SLC39A11: variants seen among roughly 807,000 people sequenced by gnomAD.
SLC39A11 encodes zinc transporter ZIP11.
A neutral mutation model predicts 36.1 loss-of-function variants in SLC39A11; 33 were observed. That is an observed-to-expected ratio of 0.91 (90% CI 0.69 to 1.22). The LOEUF is 1.22. Ranked by LOEUF, SLC39A11 falls within the 50% of genes most tolerant of loss-of-function variation. The probability of loss-of-function intolerance (pLI) is 0.00; values close to 1 mark genes in which losing one functional copy is unlikely to be tolerated. For synonymous variants in SLC39A11, 166 were observed against 170.3 expected (o/e 0.97, Z 0.20); for missense variants, 432 against 430.3 (o/e 1.00, Z -0.03).
chr17:72,906,139 C>T (rs1235253163), intron 5 of SLC39A11, among the ~76,000 whole-genome samples: 14 of 152,336 alleles, frequency 9.2e-5, no homozygotes, highest in African/African-American at 3.4e-4. Context: ...TCTGGTTAGA[C>T]AACACCTCAA....
chr17:72,869,160 C>T (rs1030960687), intron 5 of SLC39A11, among the ~76,000 whole-genome samples: 2 of 152,166 alleles, frequency 1.3e-5, no homozygotes, highest in Non-Finnish European at 2.9e-5. Flanking sequence ...CCCAAATAAA[C>T]GAGCCCCCCA....
At chr17:72,707,237 C>CA (rs1303757068) in intron 7 of SLC39A11, among the ~76,000 whole-genome samples, 8 of 151,968 alleles carry the variant, frequency 5.3e-5, no homozygotes, top group East Asian at 1.9e-4. Flanking sequence ...CCCATTGCTA[C>CA]AAAAAATGTT....
chr17:72,799,387 C>T (rs1049855777), intron 6 of SLC39A11, among the ~76,000 whole-genome samples: 33 of 152,150 alleles, frequency 2.2e-4, no homozygotes, highest in African/African-American at 7.5e-4. Context: ...AGAATAACAG[C>T]GATTTTTAGG....
At chr17:72,900,403 AGGATGCAGGATTATG>A (rs2082332270) in intron 5 of SLC39A11, among the ~76,000 whole-genome samples, 2 of 41,602 alleles carry the variant, frequency 4.8e-5, no homozygotes, top group African/African-American at 4.8e-4. Context: ...CAGGATTATG[AGGATGCAGGATTATG>A]AGGATGTATG....
At chr17:73,086,475 A>T (rs1022826010) in intron 2 of SLC39A11, among the ~76,000 whole-genome samples, 1 of 152,220 alleles carries the variant, frequency 6.6e-6, no homozygotes, top group Non-Finnish European at 1.5e-5. Context: ...CTCTATGGAC[A>T]TTCTTTGAAG....
chr17:72,769,366 A>C (rs973259689), intron 6 of SLC39A11, among the ~76,000 whole-genome samples: 1 of 152,180 alleles, frequency 6.6e-6, no homozygotes, highest in African/African-American at 2.4e-5. Flanking sequence ...ACATTATTCA[A>C]CCTTAAAAAG....
chr17:72,694,212 G>A (rs1339671713), intron 7 of SLC39A11, among the ~76,000 whole-genome samples: 3 of 152,184 alleles, frequency 2.0e-5, no homozygotes, highest in Non-Finnish European at 2.9e-5. Context: ...GCTGAGCATG[G>A]GGACTCCTGA....
At chr17:73,017,899 G>A (rs2058220615) in intron 4 of SLC39A11, among the ~76,000 whole-genome samples, 1 of 152,154 alleles carries the variant, frequency 6.6e-6, no homozygotes, top group Non-Finnish European at 1.5e-5. Context: ...AAAATGCTAT[G>A]AGGCCTGGAA....
chr17:72,732,107 G>A (rs1365795825), intron 7 of SLC39A11, among the ~76,000 whole-genome samples: 9 of 129,224 alleles, frequency 7.0e-5, no homozygotes, highest in Non-Finnish European at 3.1e-5. Context: ...GGAGGGCAGT[G>A]GTGAGACCTC....
At chr17:72,848,444 G>C (rs1368527251) in intron 6 of SLC39A11, among the ~76,000 whole-genome samples, 1 of 152,200 alleles carries the variant, frequency 6.6e-6, no homozygotes, top group Non-Finnish European at 1.5e-5. Flanking sequence ...AAACAGGCCA[G>C]CGTGGTAGCT....
At chr17:73,000,325 C>G (rs759232700) in intron 4 of SLC39A11, among the ~76,000 whole-genome samples, 6 of 151,106 alleles carry the variant, frequency 4.0e-5, no homozygotes, top group Non-Finnish European at 8.8e-5. Flanking sequence ...CCTCTCCTCT[C>G]ATCTCTCTTC....
rs564218304 is a variant in SLC39A11 at position 72,958,671 on chromosome 17, C to T, written c.307-10796G>A. Among the ~76,000 whole-genome samples the T allele has an allele frequency of 5.9e-5, 9 of 152,016 alleles. No individual in the cohort carries two copies. In the East Asian group the frequency reaches 9.7e-4, roughly 16 times the overall value. The stretch of plus-strand genomic sequence containing the variant: ...TTCGAGACCAGCCTGGCCAACATGG[C>T]GAAACCCCGTCTCTACTAAAAATAC... On this transcript the variant is annotated intron_variant, in intron 4 of 9. Coordinates refer to ENST00000255559, the MANE Select transcript of SLC39A11 (RefSeq NM_139177.4).
At chr17:72,693,785 C>T (rs2072151760) in intron 7 of SLC39A11, among the ~76,000 whole-genome samples, 1 of 152,160 alleles carries the variant, frequency 6.6e-6, no homozygotes, top group South Asian at 2.1e-4. Context: ...GCCTCAGCCT[C>T]CCAAGCAGCT....
chr17:72,714,854 AGAAGGAACGTGGCCGTACTTGT>A (rs1264571721), intron 7 of SLC39A11, among the ~76,000 whole-genome samples: 1 of 152,240 alleles, frequency 6.6e-6, no homozygotes, highest in Admixed American at 6.5e-5. Flanking sequence ...GCCTGGCTGA[AGAAGGAACGTGGCCGTACTTGT>A]GAAGCTAATA....
chr17:72,784,814 A>G (rs953294599), intron 6 of SLC39A11, among the ~76,000 whole-genome samples: 8 of 151,632 alleles, frequency 5.3e-5, no homozygotes, highest in African/African-American at 1.9e-4. Context: ...TGCTTCCTGT[A>G]AAGCCTGCAG....
rs538779994 is a variant in SLC39A11 at position 73,013,223 on chromosome 17, G to A, written c.306+18333C>T. 2.9e-4 allele frequency among the ~76,000 whole-genome samples: 44 copies of A among 152,186 alleles called. 1 individual carries two copies. Among genetic ancestry groups the A allele is most frequent in the African/African-American group, 1.0e-3 (42 of 41,506 alleles). On this transcript the variant is annotated intron_variant, in intron 4 of 9. Coordinates refer to ENST00000255559, the MANE Select transcript of SLC39A11 (RefSeq NM_139177.4). Reference sequence around the variant, plus strand: ...CTGCCTCAGCCTCCCGAGTAGCTGGGACTACAGGCGTGCACCATCACACCT... The same window carrying A: ...CTGCCTCAGCCTCCCGAGTAGCTGGAACTACAGGCGTGCACCATCACACCT...
chr17:72,677,025 T>C (rs1020837218), intron 7 of SLC39A11, among the ~76,000 whole-genome samples: 4 of 152,196 alleles, frequency 2.6e-5, no homozygotes, highest in African/African-American at 4.8e-5. Context: ...CTAGAATACA[T>C]CTCAGCTGTG....
intron 3 of SLC39A11, among the ~76,000 whole-genome samples, chr17:73,077,217 T>G (rs2060352083): frequency 6.6e-6 from 1 of 152,230 alleles, no homozygotes; most frequent in South Asian, 2.1e-4. Flanking sequence ...CCCCTGGGTT[T>G]GAGTCCCAAC....
chr17:72,943,819 T>C (rs2085263264), intron 5 of SLC39A11, among the ~76,000 whole-genome samples: 1 of 152,186 alleles, frequency 6.6e-6, no homozygotes, highest in Non-Finnish European at 1.5e-5. Flanking sequence ...ATCAGACCAA[T>C]CTGGTTCAAC....
Sources: gnomAD v4.1 joint callset for allele counts (sites outside exome capture counted in the v4.1 genomes callset) on GRCh38, gnomAD v4.1.1 for gene constraint, MANE v1.5 for transcripts, NCBI Gene and HGNC (gene_info 2026-07-23, HGNC 2026-07-21) for gene names.